Variants in SRPK2 observed in about 807,000 individuals in gnomAD.
SRPK2 encodes SFRS protein kinase 2.
In SRPK2, 21 loss-of-function variants were observed where a neutral mutation model predicts 90.8. The ratio of observed to expected loss-of-function variants is 0.23; its 90% CI spans 0.16 to 0.33. The LOEUF (loss-of-function observed/expected upper bound fraction) is 0.33. SRPK2 is among the 10% of genes least tolerant of loss of function. SRPK2 has a pLI of 1.00. For missense variants in SRPK2, 620 were observed against 869.0 expected, an observed-to-expected ratio of 0.71 and a Z score of 3.60; for synonymous variants, 288 against 311.1, an observed-to-expected ratio of 0.93 and a Z score of 0.78.
At chr7:105,285,284 G>A (rs1329616289) in intron 2 of SRPK2, among the ~76,000 whole-genome samples, 1 of 151,254 alleles carries the variant, frequency 6.6e-6, no homozygotes, top group Non-Finnish European at 1.5e-5. Context: ...TACTCGGGAG[G>A]CTGAGGTGGG....
intron 2 of SRPK2, among the ~76,000 whole-genome samples, chr7:105,229,413 G>A (rs939697884): frequency 3.3e-5 from 5 of 151,938 alleles, no homozygotes; most frequent in African/African-American, 7.2e-5. Flanking sequence ...GCAGTGAGCC[G>A]AGATTGCGCC....
intron 2 of SRPK2, among the ~76,000 whole-genome samples, chr7:105,367,291 C>T (rs1819185537): frequency 6.6e-6 from 1 of 151,786 alleles, no homozygotes; most frequent in East Asian, 1.9e-4. Context: ...GAGACAGGTT[C>T]CGGCTCTGTC....
intron 2 of SRPK2, among the ~76,000 whole-genome samples, chr7:105,376,603 G>A (rs183541111): frequency 4.0e-4 from 60 of 149,344 alleles, no homozygotes; most frequent in Admixed American, 2.6e-3. Flanking sequence ...GCAGTGGCAC[G>A]ATCTGGCTCA....
intron 15 of SRPK2, chr7:105,125,764 T>C: frequency 3.5e-6 from 4 of 1,154,054 alleles, no homozygotes; most frequent in Non-Finnish European, 4.6e-6. Context: ...AAAATTAGTG[T>C]TGCATAAATA....
intron 2 of SRPK2, among the ~76,000 whole-genome samples, chr7:105,298,087 G>GT (rs1406879499): frequency 6.6e-6 from 1 of 152,102 alleles, no homozygotes; most frequent in Non-Finnish European, 1.5e-5. Context: ...GTTCAGCTGG[G>GT]TAAGTTTTGA....
Position 105,300,481 on chromosome 7 carries a change from T to G in SRPK2, c.71+88167A>C, listed in dbSNP as rs145740925. Among the ~76,000 whole-genome samples the G allele has an allele frequency of 8.9e-4, 136 of 152,274 alleles. 1 individual carries two copies. In the East Asian group the frequency reaches 0.02, roughly 23 times the overall value. Reference sequence around the variant, plus strand: ...AGGAATGTATTGTAATATTTTCATTTGTACTGTAACCATTTTCAAGGCCAA... The same window carrying G: ...AGGAATGTATTGTAATATTTTCATTGGTACTGTAACCATTTTCAAGGCCAA... On this transcript the variant is annotated intron_variant, in intron 2 of 15. Coordinates refer to ENST00000393651, the MANE Select transcript of SRPK2 (RefSeq NM_182692.3).
chr7:105,267,639 G>C (rs1311796384), intron 2 of SRPK2, among the ~76,000 whole-genome samples: 2 of 152,110 alleles, frequency 1.3e-5, no homozygotes, highest in African/African-American at 2.4e-5. Context: ...CCCTAAGTTA[G>C]AGCCATAAGC....
chr7:105,388,784 C>A lies in SRPK2; in HGVS notation c.16+7G>T. 6.6e-7 allele frequency: 1 copy of A among 1,505,086 alleles called. No homozygotes were observed. The highest frequency in any genetic ancestry group is 8.9e-7 in the Non-Finnish European group (1 of 1,124,284). The allele number at this position is 1,505,086 out of a possible 1,614,324, so 93.2% of individuals were successfully genotyped here. On this transcript the variant is annotated splice_region_variant and intron_variant, in intron 1 of 15. Coordinates refer to ENST00000393651, the MANE Select transcript of SRPK2 (RefSeq NM_182692.3). ...GGCGGGGAGAGGGCGCGCCGCGGGC[C>A]ACTCACCTTTCCGGGAGCTCATTCC...
At chr7:105,132,479 C>T (rs1044500669) in intron 13 of SRPK2, among the ~76,000 whole-genome samples, 1 of 152,196 alleles carries the variant, frequency 6.6e-6, no homozygotes, top group African/African-American at 2.4e-5. Context: ...TTTTCAGGGA[C>T]CACAAGTGAA....
intron 2 of SRPK2, among the ~76,000 whole-genome samples, chr7:105,215,695 C>A (rs547492420): frequency 1.3e-5 from 2 of 152,034 alleles, no homozygotes; most frequent in Admixed American, 1.3e-4. Context: ...ACATGGATGA[C>A]CCCTGACAGC....
chr7:105,360,806 C>T (rs184681156), intron 2 of SRPK2, among the ~76,000 whole-genome samples: 5 of 152,004 alleles, frequency 3.3e-5, no homozygotes, highest in Non-Finnish European at 5.9e-5. Flanking sequence ...TCAATAAATT[C>T]GGTATTGACA....
intron 10 of SRPK2, 65 bp from the exon 11 acceptor site, chr7:105,142,555 C>T (rs1803949907): frequency 6.6e-7 from 1 of 1,517,280 alleles, no homozygotes; most frequent in Non-Finnish European, 8.8e-7. Context: ...TCATTAAGTA[C>T]TTATCTCCAT....
At chr7:105,274,016 C>T (rs1020898747) in intron 2 of SRPK2, among the ~76,000 whole-genome samples, 1 of 152,166 alleles carries the variant, frequency 6.6e-6, no homozygotes, top group East Asian at 1.9e-4. Context: ...ATACTGGAGG[C>T]AATCACATTC....
chr7:105,297,965 C>T (rs538816828), intron 2 of SRPK2, among the ~76,000 whole-genome samples: 11 of 152,316 alleles, frequency 7.2e-5, no homozygotes, highest in African/African-American at 2.6e-4. Context: ...TGGTCTCGAA[C>T]TCCTGACCTC....
intron 2 of SRPK2, among the ~76,000 whole-genome samples, chr7:105,347,276 G>A (rs1816576985): frequency 6.6e-6 from 1 of 151,816 alleles, no homozygotes; most frequent in Non-Finnish European, 1.5e-5. Flanking sequence ...TGCCCAGGCT[G>A]GTCTTAAACT....
chr7:105,268,708 C>G, intron 2 of SRPK2: 1 of 1,374,608 alleles, frequency 7.3e-7, no homozygotes, highest in African/African-American at 1.4e-5. Context: ...CAGGACAATA[C>G]GTTATATAGC....
chr7:105,337,424 C>T (rs1815231922), intron 2 of SRPK2, among the ~76,000 whole-genome samples: 3 of 151,926 alleles, frequency 2.0e-5, no homozygotes, highest in Non-Finnish European at 4.4e-5. Context: ...AAGCGATTCT[C>T]CTGCCTCAGC....
intron 2 of SRPK2, among the ~76,000 whole-genome samples, chr7:105,291,560 C>A (rs1428536799): frequency 6.6e-6 from 1 of 152,100 alleles, no homozygotes; most frequent in Non-Finnish European, 1.5e-5. Context: ...GAAACCCCAT[C>A]TCTACTAAAA....
At chr7:105,374,439 C>A (rs963148248) in intron 2 of SRPK2, among the ~76,000 whole-genome samples, 10 of 152,220 alleles carry the variant, frequency 6.6e-5, no homozygotes, top group African/African-American at 2.4e-4. Flanking sequence ...CAGGATTCCA[C>A]CTAGTCTAAG....
Sources: gnomAD v4.1 joint callset for allele counts (sites outside exome capture counted in the v4.1 genomes callset) on GRCh38, gnomAD v4.1.1 for gene constraint, MANE v1.5 for transcripts, NCBI Gene and HGNC (gene_info 2026-07-23, HGNC 2026-07-21) for gene names.